PTK2: variants seen among roughly 807,000 people sequenced by gnomAD.
PTK2 encodes focal adhesion kinase 1.
A neutral mutation model predicts 150.1 loss-of-function variants in PTK2; 45 were observed. The ratio of observed to expected loss-of-function variants is 0.30; its 90% CI spans 0.24 to 0.38. The LOEUF (loss-of-function observed/expected upper bound fraction) is 0.38. PTK2 is among the 10% of genes least tolerant of loss of function. PTK2 has a pLI of 1.00. For synonymous variants in PTK2, 432 were observed against 449.2 expected (o/e 0.96, Z 0.48); for missense variants, 919 against 1,307.3 (o/e 0.70, Z 4.58).
chr8:140,767,809 G>A (rs201088305), intron 14 of PTK2, among the ~76,000 whole-genome samples: 2 of 151,986 alleles, frequency 1.3e-5, no homozygotes. Flanking sequence ...GCTGTATTTT[G>A]CTTTTCTTTC....
In PTK2 at chr8:140,686,707, A is replaced by AATT. The variant is rs2100020087; in HGVS notation, c.2500-14_2500-13insAAT. ...TCACATCAGGTTTCTGAAGAAATTA[A>AATT]AACAAAATCAAAACAATTTCATTTT... On this transcript the variant is annotated splice_polypyrimidine_tract_variant and intron_variant, in intron 26 of 31. Transcript: ENST00000522684. 6.2e-7 allele frequency: 1 copy of AATT among 1,606,734 alleles called. No homozygotes were observed. Among genetic ancestry groups the AATT allele is most frequent in the Non-Finnish European group, 8.5e-7 (1 of 1,174,220 alleles).
chr8:140,690,757 A>G (rs1224249814), intron 26 of PTK2, among the ~76,000 whole-genome samples: 3 of 152,240 alleles, frequency 2.0e-5, no homozygotes, highest in Non-Finnish European at 4.4e-5. Context: ...CAGCCTTCAC[A>G]TAACATTTAT....
intron 2 of PTK2, among the ~76,000 whole-genome samples, chr8:140,917,794 A>C (rs1392343181): frequency 6.6e-6 from 1 of 152,238 alleles, no homozygotes; most frequent in South Asian, 2.1e-4. Context: ...GAAATCCAAA[A>C]AAGTAAAATA....
At chr8:140,909,044 T>C (rs1159375417) in intron 2 of PTK2, 1 of 152,392 alleles carries the variant, frequency 6.6e-6, no homozygotes, top group Non-Finnish European at 1.5e-5. Flanking sequence ...ATACAAAAAT[T>C]ATCTGGGTTT....
chr8:140,792,188 A>G (rs1353261771), intron 13 of PTK2, among the ~76,000 whole-genome samples: 2 of 152,214 alleles, frequency 1.3e-5, no homozygotes, highest in African/African-American at 4.8e-5. Flanking sequence ...GGTATGGTAC[A>G]CTATGCCTAA....
chr8:140,970,526 T>G (rs961336432), intron 1 of PTK2, among the ~76,000 whole-genome samples: 3 of 152,212 alleles, frequency 2.0e-5, no homozygotes, highest in African/African-American at 7.2e-5. Context: ...TTCCTCACAC[T>G]CCATGTTCAA....
chr8:140,838,818 A>G (rs1052800768), intron 7 of PTK2, among the ~76,000 whole-genome samples: 3 of 152,124 alleles, frequency 2.0e-5, no homozygotes, highest in African/African-American at 7.2e-5. Flanking sequence ...CATCCTGGCT[A>G]ACATGGTGAA....
chr8:140,831,319 C>CGACATTA (rs1385900361), intron 7 of PTK2, among the ~76,000 whole-genome samples: 1 of 152,044 alleles, frequency 6.6e-6, no homozygotes, highest in Non-Finnish European at 1.5e-5. Context: ...ATGCCTCTGA[C>CGACATTA]GACATTAAGG....
intron 8 of PTK2, among the ~76,000 whole-genome samples, chr8:140,820,099 TTTTTTTTTTTTTTTTTTTTAA>T (rs2100107419): frequency 1.1e-5 from 1 of 93,916 alleles, no homozygotes; most frequent in Non-Finnish European, 2.1e-5. Context: ...TTTTTTTTTT[TTTTTTTTTTTTTTTTTTTTAA>T]ATAGGGTCTC....
At chr8:140,786,195 G>C (rs1356423747) in intron 14 of PTK2, among the ~76,000 whole-genome samples, 1 of 152,148 alleles carries the variant, frequency 6.6e-6, no homozygotes, top group Non-Finnish European at 1.5e-5. Context: ...GGGGTTAAAT[G>C]AAGTATCGTA....
intron 28 of PTK2, among the ~76,000 whole-genome samples, 190 bp from the exon 32 acceptor site, chr8:140,674,594 C>T (rs1053427138): frequency 1.3e-5 from 2 of 151,740 alleles, no homozygotes; most frequent in African/African-American, 4.8e-5. Flanking sequence ...ACAAAATTAG[C>T]CGGGTGTGGT....
intron 27 of PTK2, among the ~76,000 whole-genome samples, chr8:140,684,279 T>A (rs2100018594): frequency 6.6e-6 from 1 of 152,046 alleles, no homozygotes; most frequent in African/African-American, 2.4e-5. Context: ...GGCATTAGAG[T>A]CTCATAAGGA....
chr8:140,725,058 T>C (rs576528820), intron 22 of PTK2, among the ~76,000 whole-genome samples: 6 of 152,210 alleles, frequency 3.9e-5, no homozygotes, highest in Admixed American at 3.9e-4. Context: ...AATAAAGTCT[T>C]TTGTTTGGTT....
intron 14 of PTK2, among the ~76,000 whole-genome samples, chr8:140,783,744 A>G (rs547531324): frequency 1.4e-4 from 22 of 152,344 alleles, no homozygotes; most frequent in African/African-American, 5.3e-4. Context: ...ATTTCCAGTC[A>G]CTAACCTGAA....
intron 18 of PTK2, among the ~76,000 whole-genome samples, chr8:140,745,308 C>T (rs1419426197): frequency 6.6e-6 from 1 of 152,190 alleles, no homozygotes; most frequent in East Asian, 1.9e-4. Flanking sequence ...AATGTACTTA[C>T]TTGTTCATGC....
chr8:140,808,361 A>C (rs1234108419), intron 10 of PTK2, among the ~76,000 whole-genome samples: 1 of 152,184 alleles, frequency 6.6e-6, no homozygotes, highest in East Asian at 1.9e-4. Flanking sequence ...AAATGTGAGA[A>C]GTGCAGTGCA....
At chr8:140,693,886 A>G (rs778224592) in intron 26 of PTK2, among the ~76,000 whole-genome samples, 1 of 152,174 alleles carries the variant, frequency 6.6e-6, no homozygotes, top group Non-Finnish European at 1.5e-5. Flanking sequence ...AAGCAAGTTA[A>G]TTTTTCAAAC....
intron 1 of PTK2, among the ~76,000 whole-genome samples, chr8:140,980,089 T>A (rs1410661033): frequency 6.6e-6 from 1 of 152,160 alleles, no homozygotes; most frequent in Non-Finnish European, 1.5e-5. Context: ...CCTAGATACA[T>A]AGGCTATGCA....
intron 1 of PTK2, among the ~76,000 whole-genome samples, chr8:140,962,778 C>CAA: frequency 1.4e-5 from 2 of 142,282 alleles, no homozygotes; most frequent in East Asian, 4.2e-4. Context: ...GAGACTCCCT[C>CAA]AAAAAAAAAA....
Sources: gnomAD v4.1 joint callset for allele counts (sites outside exome capture counted in the v4.1 genomes callset) on GRCh38, gnomAD v4.1.1 for gene constraint, MANE v1.5 for transcripts, NCBI Gene and HGNC (gene_info 2026-07-23, HGNC 2026-07-21) for gene names.